Variants in SUGCT observed in about 807,000 individuals in gnomAD.
SUGCT encodes succinyl-CoA:glutarate CoA-transferase.
Under a neutral mutation model 55.0 loss-of-function variants are expected in SUGCT, and 41 were observed. The ratio of observed to expected loss-of-function variants is 0.74; its 90% CI spans 0.58 to 0.97. The LOEUF is 0.97. Ranked by LOEUF, SUGCT falls within the 50% of genes least tolerant of loss-of-function variation. The pLI, the probability that SUGCT is intolerant of heterozygous loss-of-function variation, is 0.00. For missense variants in SUGCT, 568 were observed against 547.8 expected, an observed-to-expected ratio of 1.04 and a Z score of -0.37; for synonymous variants, 187 against 200.4, an observed-to-expected ratio of 0.93 and a Z score of 0.56.
chr7:41,021,977 A>AATAT, the SUGCT span, among the ~76,000 whole-genome samples: 56,889 of 151,630 alleles, frequency 0.38, 11,144 homozygotes, highest in Non-Finnish European at 0.44. Flanking sequence ...GGCAGCCTAA[A>AATAT]ATATATCAAA....
intron 12 of SUGCT, among the ~76,000 whole-genome samples, chr7:40,563,063 A>G (rs942289725): frequency 6.6e-6 from 1 of 152,098 alleles, no homozygotes; most frequent in Non-Finnish European, 1.5e-5. Flanking sequence ...CCTCCGCCCA[A>G]GTAACGGTGG....
intron 1 of SUGCT, among the ~76,000 whole-genome samples, chr7:40,136,368 A>G (rs986911377): frequency 1.3e-5 from 2 of 152,108 alleles, no homozygotes; most frequent in Admixed American, 1.3e-4. Flanking sequence ...TGGACCTGTG[A>G]TTTCCATTCA....
At chr7:40,806,310 A>C (rs1791087419) in intron 13 of SUGCT, among the ~76,000 whole-genome samples, 2 of 152,042 alleles carry the variant, frequency 1.3e-5, no homozygotes, top group African/African-American at 4.8e-5. Context: ...TCAACCCTAA[A>C]TCCACCCTGC....
At chr7:40,773,382 G>C (rs909406707) in intron 13 of SUGCT, among the ~76,000 whole-genome samples, 2 of 152,090 alleles carry the variant, frequency 1.3e-5, no homozygotes, top group African/African-American at 4.8e-5. Context: ...GCCCACCTTG[G>C]CCTCCCAAAA....
intron 13 of SUGCT, among the ~76,000 whole-genome samples, chr7:40,847,131 G>A (rs1429368000): frequency 6.6e-6 from 1 of 152,160 alleles, no homozygotes; most frequent in African/African-American, 2.4e-5. Context: ...TTCTCCTCTA[G>A]TCCAGGCAAG....
chr7:40,749,492 T>A lies in SUGCT; in HGVS notation c.1148T>A (p.Val383Asp), dbSNP rs1787899761. ...CATCCAACTGTGGGGAAGATTTCCG[T>A]CCCAGGTCTGAAAAGTTTTGGTATT... Reference protein sequence around the residue: ...MEHPTVGKISVPGPAVRYSKF... With the variant: ...MEHPTVGKISDPGPAVRYSKF... The change falls in exon 13 of 14, where the codon GTC becomes GAC. Residue 383 changes from valine (V) to aspartate (D), a missense_variant. Physicochemically the swap from Val to Asp is radical, Grantham distance 152. Transcript: ENST00000335693. 1 of 1,613,336 alleles carries A rather than the reference T, an allele frequency of 6.2e-7. No individual in the cohort carries two copies. Among genetic ancestry groups the A allele is most frequent in the Admixed American group, 1.7e-5 (1 of 59,992 alleles).
At chr7:40,934,313 T>C in the SUGCT span, among the ~76,000 whole-genome samples, 2 of 152,128 alleles carry the variant, frequency 1.3e-5, no homozygotes, top group East Asian at 3.9e-4. Flanking sequence ...TGCTGGAAGC[T>C]TCATCCCAGA....
intron 12 of SUGCT, among the ~76,000 whole-genome samples, chr7:40,590,318 A>G (rs987255538): frequency 6.6e-6 from 1 of 152,144 alleles, no homozygotes. Context: ...GTTCAAGTGA[A>G]AGGAATAGCC....
intron 13 of SUGCT, among the ~76,000 whole-genome samples, chr7:40,820,992 A>G (rs1000343643): frequency 1.1e-4 from 17 of 152,158 alleles, no homozygotes; most frequent in African/African-American, 3.9e-4. Flanking sequence ...GATTTTTGTC[A>G]AAGGCCTTTT....
intron 13 of SUGCT, among the ~76,000 whole-genome samples, chr7:40,796,872 A>G (rs967623466): frequency 5.3e-5 from 8 of 152,226 alleles, no homozygotes; most frequent in Non-Finnish European, 1.2e-4. Context: ...GGCAGTGCCC[A>G]AAAGAGTGGA....
rs182472189 is a variant in SUGCT at position 40,340,540 on chromosome 7, G to A, written c.816+23685G>A. Among the ~76,000 whole-genome samples the A allele has an allele frequency of 2.2e-3, 331 of 152,224 alleles. 1 individual carries two copies. Among genetic ancestry groups the A allele is most frequent in the Non-Finnish European group, 3.6e-3 (248 of 68,018 alleles). On this transcript the variant is annotated intron_variant, in intron 9 of 13. Transcript: ENST00000335693. ...CATTAATAGAAGGGCAGGGGAATACGTCATATCAAAGATTAGGAGCTCATA... is the reference window on the plus strand; with the variant it reads ...CATTAATAGAAGGGCAGGGGAATACATCATATCAAAGATTAGGAGCTCATA...
chr7:40,284,524 C>T (rs978592668), intron 8 of SUGCT, among the ~76,000 whole-genome samples: 1 of 149,464 alleles, frequency 6.7e-6, no homozygotes, highest in African/African-American at 2.5e-5. Context: ...AGGAGAATTG[C>T]TTGAACCCGG....
At chr7:40,440,147 T>G (rs796956259) in intron 9 of SUGCT, among the ~76,000 whole-genome samples, 48 of 2,972 alleles carry the variant, frequency 0.016, no homozygotes, top group African/African-American at 0.031. Flanking sequence ...GTGTGTGTGT[T>G]TTTTTTTTTT....
At chr7:40,884,031 A>G in the SUGCT span, among the ~76,000 whole-genome samples, 1 of 152,132 alleles carries the variant, frequency 6.6e-6, no homozygotes, top group Non-Finnish European at 1.5e-5. Context: ...GAACTTTCAC[A>G]TTCTCTCTTG....
rs112009803 is a variant in SUGCT at position 40,190,826 on chromosome 7, A to T, written c.363+1232A>T. Among the ~76,000 whole-genome samples the T allele has an allele frequency of 3.3e-3, 503 of 152,272 alleles. 6 individuals are homozygous for T. The highest frequency in any genetic ancestry group is 0.011 in the African/African-American group (454 of 41,566). On this transcript the variant is annotated intron_variant, in intron 5 of 13. Transcript: ENST00000335693. ...AAATCTGTGCATACTCAAGTCCTGC[A>T]GTCGGCCCTGTGGAACCTGCTTATA...
chr7:40,722,247 A>T (rs1453774631), intron 12 of SUGCT, among the ~76,000 whole-genome samples: 1 of 152,226 alleles, frequency 6.6e-6, no homozygotes, highest in African/African-American at 2.4e-5. Flanking sequence ...AAAGGCTGAC[A>T]GCTGTGAAAA....
At chr7:40,218,727 A>C (rs913819423) in intron 6 of SUGCT, among the ~76,000 whole-genome samples, 2 of 152,120 alleles carry the variant, frequency 1.3e-5, no homozygotes, top group Non-Finnish European at 2.9e-5. Context: ...TAAATGCACC[A>C]ATCAGCACTC....
the SUGCT span, among the ~76,000 whole-genome samples, chr7:40,870,185 A>C: frequency 6.6e-6 from 1 of 152,170 alleles, no homozygotes; most frequent in Non-Finnish European, 1.5e-5. Context: ...TTTGGATTTC[A>C]TTCTGATCAA....
At chr7:40,682,813 T>C (rs566726879) in intron 12 of SUGCT, among the ~76,000 whole-genome samples, 1 of 150,616 alleles carries the variant, frequency 6.6e-6, no homozygotes, top group Admixed American at 6.6e-5. Flanking sequence ...AACAGAGTCA[T>C]TATTCTTTTT....
Sources: allele counts gnomAD v4.1 joint callset (sites outside exome capture counted in the v4.1 genomes callset), GRCh38; gene constraint gnomAD v4.1.1; transcripts MANE v1.5; gene names NCBI Gene and HGNC (gene_info 2026-07-23, HGNC 2026-07-21).